The following ATP6V1E2 variants were observed in gnomAD, a reference collection of about 807,000 sequenced individuals.
ATP6V1E2 encodes the protein ATPase H+ transporting V1 subunit E2, also known as V-type proton ATPase subunit E 2.
For missense variants in ATP6V1E2, 308 were observed against 273.3 expected (o/e 1.13, Z -0.90); for synonymous variants, 121 against 104.2 (o/e 1.16, Z -0.98).
chr2:46,516,907 C>A (rs935645513), intron 4 of ATP6V1E2, among the ~76,000 whole-genome samples: 1 of 152,146 alleles, frequency 6.6e-6, no homozygotes, highest in Non-Finnish European at 1.5e-5. Flanking sequence ...TCCATACTAA[C>A]CAAAATGATC....
At chr2:46,539,804 C>T (rs574372265) in intron 2 of ATP6V1E2, among the ~76,000 whole-genome samples, 2 of 152,352 alleles carry the variant, frequency 1.3e-5, no homozygotes, top group South Asian at 4.1e-4. Context: ...TCTTAAGCCC[C>T]AGGTCAATGA....
rs549025492 is a variant in ATP6V1E2, at chr2:46,518,400, A to G, written c.-101-5588T>C. ...GGTGTAGTTTTCGTGATGCAAGATG[A>G]AAAAGTTCTAGAGACCTGCTGTACA... On this transcript the variant is annotated intron_variant, in intron 4 of 4. Coordinates refer to ENST00000522587, the MANE Select transcript of ATP6V1E2 (RefSeq NM_001318063.2). Among the ~76,000 whole-genome samples, 5 of 152,014 alleles carry G rather than the reference A, an allele frequency of 3.3e-5. No homozygotes were observed. In the South Asian group the frequency reaches 6.2e-4, roughly 19 times the overall value.
chr2:46,523,404 A>G (rs866037299), intron 4 of ATP6V1E2, among the ~76,000 whole-genome samples: 22 of 152,124 alleles, frequency 1.4e-4, no homozygotes, highest in African/African-American at 5.3e-4. Context: ...TCTCAAGTTA[A>G]TTTTTACATA....
intron 4 of ATP6V1E2, among the ~76,000 whole-genome samples, chr2:46,525,043 G>A (rs1473343327): frequency 6.6e-6 from 1 of 152,138 alleles, no homozygotes; most frequent in African/African-American, 2.4e-5. Flanking sequence ...TGTACACAGC[G>A]AGGGCCAGGA....
intron 4 of ATP6V1E2, among the ~76,000 whole-genome samples, chr2:46,516,526 C>T (rs895946886): frequency 7.2e-5 from 11 of 152,022 alleles, no homozygotes; most frequent in East Asian, 1.9e-4. Context: ...CCTGGTAGTG[C>T]GAGGCTGTAA....
At chr2:46,524,072 A>G (rs1022247833) in intron 4 of ATP6V1E2, among the ~76,000 whole-genome samples, 3 of 151,096 alleles carry the variant, frequency 2.0e-5, no homozygotes, top group African/African-American at 4.9e-5. Flanking sequence ...GTTTTTGCAC[A>G]TTGATTTTGT....
chr2:46,530,886 C>A lies in ATP6V1E2; in HGVS notation c.-102+4927G>T, dbSNP rs372764404. Among the ~76,000 whole-genome samples the A allele has an allele frequency of 2.0e-5, 3 of 152,292 alleles. No homozygotes were observed. In the East Asian group the frequency reaches 5.8e-4, roughly 29 times the overall value. On this transcript the variant is annotated intron_variant, in intron 4 of 4. Coordinates refer to ENST00000522587, the MANE Select transcript of ATP6V1E2 (RefSeq NM_001318063.2). This position sits in a 1 kb window ranked among gnomAD's most constrained non-coding sequence, Gnocchi z 5.2. ...AGCGCAAGAACAGCACAGGAAAAAC[C>A]CAAGCCCATGATTCAGTTACTTCCC...
At chr2:46,540,824 T>C (rs1667718182) in intron 2 of ATP6V1E2, among the ~76,000 whole-genome samples, 1 of 152,038 alleles carries the variant, frequency 6.6e-6, no homozygotes, top group East Asian at 1.9e-4. Context: ...GCAGTCAGTT[T>C]TGGCAACTCT....
intron 4 of ATP6V1E2, among the ~76,000 whole-genome samples, chr2:46,529,164 G>T (rs140279053): frequency 6.6e-6 from 1 of 152,346 alleles, no homozygotes; most frequent in Non-Finnish European, 1.5e-5. Context: ...AACACCAGAA[G>T]CAGTGTCTAC....
intron 4 of ATP6V1E2, among the ~76,000 whole-genome samples, chr2:46,534,095 G>A (rs1667323252): frequency 6.6e-6 from 1 of 152,060 alleles, no homozygotes; most frequent in East Asian, 1.9e-4. Flanking sequence ...TGAGCTTCTT[G>A]GCGCTATACG....
At position 46,513,907 on chromosome 2, in the gene ATP6V1E2, G is replaced by A. The variant is rs188267587; in HGVS notation, c.-101-1095C>T. 2.2e-4 allele frequency among the ~76,000 whole-genome samples: 33 copies of A among 152,310 alleles called. No individual in the cohort carries two copies. The East Asian group carries it at 5.6e-3, about 26-fold the overall frequency. On this transcript the variant is annotated intron_variant, in intron 4 of 4. Transcript: ENST00000522587. ...TTTCCCTAAAGCTTATATAAGGGAAGGGGAAGAGATTGAAGGTGGTCTTTT... is the reference window on the plus strand; with the variant it reads ...TTTCCCTAAAGCTTATATAAGGGAAAGGGAAGAGATTGAAGGTGGTCTTTT...
At chr2:46,534,732 C>T (rs1197855072) in intron 4 of ATP6V1E2, 1 of 150,500 alleles carries the variant, frequency 6.6e-6, no homozygotes, top group Non-Finnish European at 1.5e-5. Context: ...TCTAGAGTTA[C>T]CTCACTTTTC....
At chr2:46,515,986 T>C (rs13014744) in intron 4 of ATP6V1E2, among the ~76,000 whole-genome samples, 43,962 of 152,108 alleles carry the variant, frequency 0.29, 7,186 homozygotes, top group Non-Finnish European at 0.37. Flanking sequence ...AGAACACTTA[T>C]AAATATATAT....
intron 4 of ATP6V1E2, among the ~76,000 whole-genome samples, chr2:46,525,637 T>G (rs1407077828): frequency 6.6e-6 from 1 of 152,126 alleles, no homozygotes; most frequent in Admixed American, 6.5e-5. Context: ...CTTCAGTTGC[T>G]GATGAGTAAG....
chr2:46,537,158 G>A (rs573636605), intron 2 of ATP6V1E2, among the ~76,000 whole-genome samples: 12 of 152,310 alleles, frequency 7.9e-5, no homozygotes, highest in African/African-American at 2.6e-4. Context: ...TAATGTAGAT[G>A]TATATTGCTG....
intron 4 of ATP6V1E2, chr2:46,519,590 C>A (rs920620929): frequency 2.6e-5 from 4 of 152,268 alleles, no homozygotes; most frequent in African/African-American, 7.2e-5. Context: ...CTGCACTTAC[C>A]ATTTGTACGA....
intron 4 of ATP6V1E2, among the ~76,000 whole-genome samples, chr2:46,520,674 G>A (rs1403936291): frequency 6.6e-6 from 1 of 152,156 alleles, no homozygotes; most frequent in Non-Finnish European, 1.5e-5. Flanking sequence ...ATGACAGCAT[G>A]GTCTGTTTTC....
At chr2:46,518,584 T>C (rs1666426298) in intron 4 of ATP6V1E2, among the ~76,000 whole-genome samples, 1 of 150,736 alleles carries the variant, frequency 6.6e-6, no homozygotes, top group African/African-American at 2.4e-5. Context: ...CACCCAGTGT[T>C]TGTGACAAAG....
At chr2:46,539,494 G>C (rs1667615460) in intron 2 of ATP6V1E2, among the ~76,000 whole-genome samples, 2 of 152,268 alleles carry the variant, frequency 1.3e-5, no homozygotes, top group Admixed American at 6.5e-5. Context: ...TTTGTAGTAA[G>C]CGTGTGGGTC....
Sources: gnomAD v4.1 joint callset for allele counts (sites outside exome capture counted in the v4.1 genomes callset) on GRCh38, gnomAD v4.1.1 for gene constraint, Gnocchi (gnomAD v3.1) non-coding constraint, MANE v1.5 for transcripts, NCBI Gene and HGNC (gene_info 2026-07-23, HGNC 2026-07-21) for gene names.